Variants in PTCHD4 observed in about 807,000 individuals in gnomAD.
The protein encoded by PTCHD4 is patched domain-containing protein 4.
Under a neutral mutation model 58.1 loss-of-function variants are expected in PTCHD4, and 33 were observed. The observed-to-expected ratio is 0.57, with a 90% CI of 0.43 to 0.76. The LOEUF is 0.76. Among genes scored for constraint, PTCHD4 ranks in the 30% least tolerant of loss-of-function variants. The probability of loss-of-function intolerance (pLI) is 0.00; values close to 1 mark genes in which losing one functional copy is unlikely to be tolerated. For synonymous variants in PTCHD4, 478 were observed against 409.6 expected (o/e 1.17, Z -2.02); for missense variants, 1,058 against 1,027.1 (o/e 1.03, Z -0.41).
intron 4 of PTCHD4, among the ~76,000 whole-genome samples, chr6:47,968,864 A>G (rs928571520): frequency 2.0e-5 from 3 of 152,076 alleles, no homozygotes; most frequent in Middle Eastern, 3.2e-3. Flanking sequence ...AAAGTGCCCA[A>G]CCTACTCATT....
chr6:48,018,587 C>T (rs1762946942), intron 3 of PTCHD4, among the ~76,000 whole-genome samples: 1 of 152,110 alleles, frequency 6.6e-6, no homozygotes, highest in Non-Finnish European at 1.5e-5. Context: ...CCTAATTTAC[C>T]TAGATATAAA....
In PTCHD4 at chr6:47,867,423, T is replaced by C. The variant is rs1477424935; in HGVS notation, c.*10880A>G. ...AAAATTCAAAAATAGAGACTGTGTA[T>C]TTACATTTTGTAAACCATTCACTGC... is the stretch of plus-strand genomic sequence containing the variant. On this transcript the variant is annotated 3_prime_UTR_variant, in exon 5 of 5. Transcript: ENST00000339488. Among the ~76,000 whole-genome samples the C allele has an allele frequency of 2.0e-5, 3 of 151,774 alleles. No individual in the cohort carries two copies. The highest frequency in any genetic ancestry group is 7.3e-5 in the African/African-American group (3 of 41,362).
At chr6:48,030,678 G>A (rs1373914662) in intron 3 of PTCHD4, among the ~76,000 whole-genome samples, 1 of 151,998 alleles carries the variant, frequency 6.6e-6, no homozygotes, top group African/African-American at 2.4e-5. Context: ...AAATTTCTCA[G>A]GTTGTCACTG....
chr6:47,862,424 A>C lies in PTCHD4; in HGVS notation c.*15879T>G, dbSNP rs1272915372. Among the ~76,000 whole-genome samples the C allele has an allele frequency of 6.6e-6, 1 of 151,780 alleles. No homozygotes were observed. The highest frequency in any genetic ancestry group is 1.5e-5 in the Non-Finnish European group (1 of 67,838). The stretch of plus-strand genomic sequence containing the variant: ...TCCTGAAGTCTTTTATTCAAGATCA[A>C]AATTTTTCAATTATTCTAGAATGCT... On this transcript the variant is annotated 3_prime_UTR_variant, in exon 5 of 5. Coordinates refer to ENST00000339488, the MANE Select transcript of PTCHD4 (RefSeq NM_001384253.1).
At chr6:48,046,574 A>C (rs764147218) in intron 3 of PTCHD4, among the ~76,000 whole-genome samples, 8 of 151,800 alleles carry the variant, frequency 5.3e-5, no homozygotes, top group Non-Finnish European at 1.2e-4. Flanking sequence ...CCCTTATTTT[A>C]AACTTCTTCA....
chr6:48,060,704 G>A (rs1369206783), intron 3 of PTCHD4, among the ~76,000 whole-genome samples: 1 of 152,068 alleles, frequency 6.6e-6, no homozygotes, highest in African/African-American at 2.4e-5. Context: ...TGAACTCCTG[G>A]GCTCAAACGA....
chr6:47,963,107 C>T (rs374208383), intron 4 of PTCHD4, among the ~76,000 whole-genome samples: 16 of 150,718 alleles, frequency 1.1e-4, no homozygotes, highest in East Asian at 3.9e-4. Context: ...CTAGCCTGAG[C>T]GACAGAGCAA....
At chr6:47,894,793 T>C (rs949786134) in intron 4 of PTCHD4, among the ~76,000 whole-genome samples, 37 of 152,238 alleles carry the variant, frequency 2.4e-4, no homozygotes, top group African/African-American at 8.7e-4. Context: ...ATAATGTCCA[T>C]GGACTTCGTC....
At chr6:47,917,386 T>C (rs551315608) in intron 4 of PTCHD4, among the ~76,000 whole-genome samples, 11 of 152,252 alleles carry the variant, frequency 7.2e-5, no homozygotes, top group East Asian at 5.8e-4. Flanking sequence ...AAAAGTCAGA[T>C]TGATGAAAAT....
At chr6:47,921,945 T>TAAA (rs544513150) in intron 4 of PTCHD4, among the ~76,000 whole-genome samples, 53 of 117,018 alleles carry the variant, frequency 4.5e-4, no homozygotes, top group African/African-American at 1.5e-3. Flanking sequence ...ACACCTTGTC[T>TAAA]AAAAAAAAAA....
intron 1 of PTCHD4, among the ~76,000 whole-genome samples, chr6:48,078,196 T>C (rs1765095352): frequency 6.6e-6 from 1 of 152,206 alleles, no homozygotes; most frequent in South Asian, 2.1e-4. Flanking sequence ...TTTGCTAGGT[T>C]TGCCACATCT....
chr6:48,059,052 T>G (rs923088143), intron 3 of PTCHD4, among the ~76,000 whole-genome samples: 3 of 152,206 alleles, frequency 2.0e-5, no homozygotes, highest in Admixed American at 6.5e-5. Flanking sequence ...GCTCAAGAAC[T>G]TAACCCACTA....
In PTCHD4 at chr6:47,878,417, A is replaced by G; in HGVS notation, c.2418T>C (p.Phe806=). The G allele has an allele frequency of 6.2e-7, 1 of 1,613,466 alleles. No individual in the cohort carries two copies. Among genetic ancestry groups the G allele is most frequent in the South Asian group, 1.1e-5 (1 of 91,060 alleles). ...CFVILPVFLT[F]FPPSKKHHKK... ...TGTGGTGCTTTTTGGAAGGGGGGAAAAACGTTAGGAACACAGGTAAAATAA... is the reference window on the plus strand; with the variant it reads ...TGTGGTGCTTTTTGGAAGGGGGGAAGAACGTTAGGAACACAGGTAAAATAA... Residue 806 remains phenylalanine (F), a synonymous_variant, in exon 5 of 5, where the codon TTT becomes TTC. Transcript: ENST00000339488.
intron 4 of PTCHD4, chr6:47,900,675 T>A (rs1259757300): frequency 6.6e-6 from 1 of 152,240 alleles, no homozygotes; most frequent in East Asian, 1.9e-4. Flanking sequence ...TGTATCAGAT[T>A]AAGCAAGTTC....
At chr6:48,070,007 T>C (rs1263326090) in intron 1 of PTCHD4, among the ~76,000 whole-genome samples, 81 bp from the exon 2 acceptor site, 1 of 151,998 alleles carries the variant, frequency 6.6e-6, no homozygotes, top group Non-Finnish European at 1.5e-5. Context: ...CTTCACTGTA[T>C]AAGAAAGAAA....
intron 4 of PTCHD4, among the ~76,000 whole-genome samples, chr6:47,906,001 TTCTA>T (rs1764872015): frequency 6.6e-6 from 1 of 152,236 alleles, no homozygotes; most frequent in African/African-American, 2.4e-5. Context: ...TCAATTTTCC[TTCTA>T]TCTGTCAATC....
intron 4 of PTCHD4, among the ~76,000 whole-genome samples, chr6:47,909,550 C>T (rs568015060): frequency 5.3e-5 from 8 of 152,206 alleles, no homozygotes; most frequent in East Asian, 3.9e-4. Flanking sequence ...TGGGCTCAAG[C>T]GGTCCTTCTA....
rs977642436 is a variant in PTCHD4 at position 47,872,133 on chromosome 6, A to G, written c.*6170T>C. On this transcript the variant is annotated 3_prime_UTR_variant, in exon 5 of 5. Transcript: ENST00000339488. ...CCGTGTCCAGGGAGAGATTCTAGTA[A>G]CCATATTACATTAGATAATTTAAAT... Among the ~76,000 whole-genome samples, 5 of 151,526 alleles carry G rather than the reference A, an allele frequency of 3.3e-5. No individual in the cohort carries two copies. Among genetic ancestry groups the G allele is most frequent in the African/African-American group, 1.2e-4 (5 of 41,304 alleles).
At chr6:48,021,740 C>G (rs1763080236) in intron 3 of PTCHD4, among the ~76,000 whole-genome samples, 1 of 151,992 alleles carries the variant, frequency 6.6e-6, no homozygotes, top group African/African-American at 2.4e-5. Flanking sequence ...TTTATGAAGT[C>G]CACTTTTCTA....
Sources: allele counts gnomAD v4.1 joint callset (sites outside exome capture counted in the v4.1 genomes callset), GRCh38; gene constraint gnomAD v4.1.1; transcripts MANE v1.5; gene names NCBI Gene and HGNC (gene_info 2026-07-23, HGNC 2026-07-21).